Variants in AGBL1 observed in about 807,000 individuals in gnomAD.
AGBL1 encodes the protein AGBL carboxypeptidase 1, also known as cytosolic carboxypeptidase 4.
Under a neutral mutation model 118.9 loss-of-function variants are expected in AGBL1, and 130 were observed. That is an observed-to-expected ratio of 1.09 (90% confidence interval 0.95 to 1.26). The LOEUF is 1.26. Ranked by LOEUF, AGBL1 falls within the 50% of genes most tolerant of loss-of-function variation. AGBL1 has a pLI of 0.00. For missense variants in AGBL1, 1,584 were observed against 1,298.1 expected, an observed-to-expected ratio of 1.22 and a Z score of -3.38; for synonymous variants, 555 against 478.9, an observed-to-expected ratio of 1.16 and a Z score of -2.08.
chr15:86,749,306 CTGTT>C (rs1344429119), intron 22 of AGBL1, among the ~76,000 whole-genome samples: 2 of 152,164 alleles, frequency 1.3e-5, no homozygotes, highest in South Asian at 2.1e-4. Flanking sequence ...ATTTTGCTCT[CTGTT>C]TGTCTATTAT....
chr15:86,524,947 G>A (rs1264941065), intron 19 of AGBL1, among the ~76,000 whole-genome samples: 1 of 152,100 alleles, frequency 6.6e-6, no homozygotes, highest in East Asian at 1.9e-4. Context: ...AATTGGAAAA[G>A]AGGAAATCAA....
At chr15:87,004,188 A>G (rs1482774295) in intron 24 of AGBL1, among the ~76,000 whole-genome samples, 2 of 152,186 alleles carry the variant, frequency 1.3e-5, no homozygotes, top group East Asian at 1.9e-4. Context: ...CTGGTTTCAA[A>G]GAACATCTTT....
chr15:86,815,545 G>T (rs138866241), intron 22 of AGBL1, among the ~76,000 whole-genome samples: 2 of 152,238 alleles, frequency 1.3e-5, no homozygotes, highest in South Asian at 4.1e-4. Flanking sequence ...CCACATTGAT[G>T]AAAACTGCAC....
chr15:86,735,334 G>A (rs2141223553), intron 22 of AGBL1, among the ~76,000 whole-genome samples: 1 of 152,100 alleles, frequency 6.6e-6, no homozygotes, highest in East Asian at 1.9e-4. Context: ...ACCCACCTCA[G>A]CCTCCCAAAG....
At chr15:86,632,064 G>A (rs2084980160) in intron 21 of AGBL1, among the ~76,000 whole-genome samples, 1 of 151,210 alleles carries the variant, frequency 6.6e-6, no homozygotes, top group Admixed American at 6.6e-5. Context: ...AGGAGTTTGA[G>A]GGCAGTCTGC....
rs146420034 is a variant in AGBL1, at chr15:86,135,676, A to G, written c.52-6328A>G. Among the ~76,000 whole-genome samples, 319 of 152,314 alleles carry G rather than the reference A, an allele frequency of 2.1e-3. 1 individual carries two copies. The highest frequency in any genetic ancestry group is 3.1e-3 in the Non-Finnish European group (211 of 68,028). ...CTAGGATCAGGGGAGGGCAAGAGGA[A>G]TGAGTCAAAAATCTTGCTCTAGAGG... On this transcript the variant is annotated intron_variant, in intron 1 of 22. Transcript: ENST00000614907.
At chr15:86,192,249 TA>T (rs1402808782) in intron 5 of AGBL1, among the ~76,000 whole-genome samples, 2 of 150,192 alleles carry the variant, frequency 1.3e-5, no homozygotes, top group African/African-American at 2.4e-5. Context: ...AATTTTATAT[TA>T]AAAATATAGA....
At chr15:86,835,247 C>G (rs1161263451) in intron 22 of AGBL1, among the ~76,000 whole-genome samples, 1 of 151,842 alleles carries the variant, frequency 6.6e-6, no homozygotes, top group African/African-American at 2.4e-5. Flanking sequence ...CTAGGTCTTT[C>G]ACACCTAGAT....
intron 22 of AGBL1, among the ~76,000 whole-genome samples, chr15:86,902,709 C>G (rs2080227719): frequency 6.6e-6 from 1 of 152,080 alleles, no homozygotes; most frequent in South Asian, 2.1e-4. Context: ...TTGCTTTCAA[C>G]ACTTGAAAAA....
intron 17 of AGBL1, among the ~76,000 whole-genome samples, chr15:86,308,997 C>A (rs1380891620): frequency 1.3e-5 from 2 of 152,132 alleles, no homozygotes; most frequent in Non-Finnish European, 2.9e-5. Flanking sequence ...TGAATTGGGT[C>A]TGTAGATTGC....
intron 17 of AGBL1, among the ~76,000 whole-genome samples, chr15:86,343,817 T>C (rs2141886762): frequency 6.6e-6 from 1 of 152,320 alleles, no homozygotes; most frequent in East Asian, 1.9e-4. Context: ...GGTCCTGCTG[T>C]TGCCGCTGCT....
intron 22 of AGBL1, among the ~76,000 whole-genome samples, chr15:86,719,782 A>G (rs974149729): frequency 5.9e-5 from 9 of 152,260 alleles, no homozygotes; most frequent in African/African-American, 1.9e-4. Flanking sequence ...GGATGAAGTA[A>G]TTAGTCTTTC....
intron 17 of AGBL1, among the ~76,000 whole-genome samples, chr15:86,391,712 C>A (rs2081290740): frequency 7.8e-6 from 1 of 127,464 alleles, no homozygotes; most frequent in Admixed American, 1.0e-4. Flanking sequence ...CCTTAGTATG[C>A]CCCAGAAAGG....
intron 23 of AGBL1, among the ~76,000 whole-genome samples, chr15:86,959,537 A>G (rs1231893323): frequency 2.0e-5 from 3 of 148,546 alleles, no homozygotes; most frequent in Non-Finnish European, 4.4e-5. Flanking sequence ...TCATCATTAC[A>G]ACACACACAA....
intron 18 of AGBL1, among the ~76,000 whole-genome samples, chr15:86,409,619 C>G (rs949042756): frequency 6.6e-6 from 1 of 152,128 alleles, no homozygotes; most frequent in Non-Finnish European, 1.5e-5. Flanking sequence ...CCATCATAAA[C>G]AGTGATAATA....
intron 18 of AGBL1, among the ~76,000 whole-genome samples, chr15:86,509,676 T>A (rs201149360): frequency 1.4e-5 from 2 of 147,492 alleles, no homozygotes; most frequent in South Asian, 4.4e-4. Flanking sequence ...ATGAATTTGG[T>A]TTCAAAAAAT....
intron 18 of AGBL1, among the ~76,000 whole-genome samples, chr15:86,499,053 A>T (rs2082887263): frequency 6.6e-6 from 1 of 151,834 alleles, no homozygotes; most frequent in African/African-American, 2.4e-5. Flanking sequence ...ATACTTCTTT[A>T]CCCAATTCCA....
At chr15:86,748,947 G>A (rs958101820) in intron 22 of AGBL1, among the ~76,000 whole-genome samples, 6 of 152,040 alleles carry the variant, frequency 3.9e-5, no homozygotes, top group African/African-American at 1.5e-4. Flanking sequence ...GTAGCATGGT[G>A]CCTCCAGCTT....
chr15:86,713,664 G>A (rs6496354), intron 22 of AGBL1, among the ~76,000 whole-genome samples: 67,686 of 151,924 alleles, frequency 0.45, 16,444 homozygotes, highest in African/African-American at 0.64. Context: ...AGTGTTTCAG[G>A]TCAGCATAAT....
Sources: allele counts gnomAD v4.1 joint callset (sites outside exome capture counted in the v4.1 genomes callset), GRCh38; gene constraint gnomAD v4.1.1; transcripts MANE v1.5; gene names NCBI Gene and HGNC (gene_info 2026-07-23, HGNC 2026-07-21).